The following VPS37A variants were observed in gnomAD, a reference collection of about 807,000 sequenced individuals.
VPS37A encodes vacuolar protein sorting-associated protein 37A.
Under a neutral mutation model 49.8 loss-of-function variants are expected in VPS37A, and 30 were observed. The observed-to-expected ratio is 0.60, with a 90% confidence interval of 0.45 to 0.82. The LOEUF is 0.82. Among genes scored for constraint, VPS37A ranks in the 40% least tolerant of loss-of-function variants. The pLI is 0.00. For missense variants in VPS37A, 593 were observed against 464.4 expected (o/e 1.28, Z -2.55); for synonymous variants, 195 against 160.6 (o/e 1.21, Z -1.62).
chr8:17,273,700 ACCTT>A (rs2150388813), intron 4 of VPS37A, among the ~76,000 whole-genome samples: 1 of 152,004 alleles, frequency 6.6e-6, no homozygotes, highest in Admixed American at 6.6e-5. Context: ...ATATTTCTGT[ACCTT>A]CCTTTTTCAG....
chr8:17,332,950 T>C, the VPS37A span, among the ~76,000 whole-genome samples: 1 of 152,186 alleles, frequency 6.6e-6, no homozygotes, highest in Non-Finnish European at 1.5e-5. Context: ...AGTACTACTT[T>C]GGATGCCCCT....
At chr8:17,247,410 TG>T in intron 1 of VPS37A, 41 bp downstream of exon 1, 5 of 58,506 alleles carry the variant, frequency 8.5e-5, no homozygotes, top group Non-Finnish European at 1.6e-4. Context: ...AAAAGTAGGG[TG>T]GGAGGGCGGG....
At chr8:17,300,998 C>G (rs762808758), downstream of VPS37A, among the ~76,000 whole-genome samples, 3 of 152,094 alleles carry the variant, frequency 2.0e-5, no homozygotes, top group Non-Finnish European at 2.9e-5. Flanking sequence ...ATGGATATAC[C>G]AGATTTTGTT....
chr8:17,329,325 G>C, the VPS37A span, among the ~76,000 whole-genome samples: 1 of 152,166 alleles, frequency 6.6e-6, no homozygotes, highest in Non-Finnish European at 1.5e-5. Context: ...CATTGGTCAA[G>C]ACCACGTACA....
At chr8:17,252,768 A>G (rs1812093041) in intron 1 of VPS37A, among the ~76,000 whole-genome samples, 1 of 152,120 alleles carries the variant, frequency 6.6e-6, no homozygotes, top group African/African-American at 2.4e-5. Flanking sequence ...TAGTTATTTG[A>G]TAGGAAAACT....
intron 1 of VPS37A, among the ~76,000 whole-genome samples, chr8:17,263,477 T>G (rs1408702533): frequency 6.6e-6 from 1 of 152,168 alleles, no homozygotes; most frequent in Non-Finnish European, 1.5e-5. Context: ...ATTAATATTA[T>G]AAGTATCACC....
chr8:17,312,286 C>T, the VPS37A span, among the ~76,000 whole-genome samples: 1 of 152,090 alleles, frequency 6.6e-6, no homozygotes, highest in East Asian at 1.9e-4. Context: ...TATTAATACT[C>T]TGTCTCAGCT....
At chr8:17,302,077 C>A, downstream of VPS37A, 1 of 1,581,174 alleles carries the variant, frequency 6.3e-7, no homozygotes, top group Non-Finnish European at 8.7e-7. Flanking sequence ...TGCACTGAAT[C>A]TTAAGAGGCT....
intron 9 of VPS37A, among the ~76,000 whole-genome samples, chr8:17,281,531 A>G (rs1352101982): frequency 6.6e-6 from 1 of 152,040 alleles, no homozygotes; most frequent in Admixed American, 6.6e-5. Flanking sequence ...AGAAACCAGC[A>G]GTAAACCTCA....
In VPS37A at chr8:17,295,098, T is replaced by C. The variant is rs1280945838; in HGVS notation, c.*112T>C. ...TCATCAGTGGCTAAATTCACAGATATCCTATATAGATTGTATACAGAACTG... is the reference window on the plus strand; with the variant it reads ...TCATCAGTGGCTAAATTCACAGATACCCTATATAGATTGTATACAGAACTG... On this transcript the variant is annotated 3_prime_UTR_variant, in exon 12 of 12. Coordinates refer to ENST00000324849, the MANE Select transcript of VPS37A (RefSeq NM_152415.3). 1 of 152,644 alleles carries C rather than the reference T, an allele frequency of 6.6e-6. No homozygotes were observed. The highest frequency in any genetic ancestry group is 6.5e-5 in the Admixed American group (1 of 15,272). 9.5% of individuals were successfully genotyped at this position (152,644 alleles called of 1,614,324 possible).
At chr8:17,260,179 T>C (rs1451939925) in intron 1 of VPS37A, among the ~76,000 whole-genome samples, 1 of 152,154 alleles carries the variant, frequency 6.6e-6, no homozygotes, top group Non-Finnish European at 1.5e-5. Flanking sequence ...CTTTCTTTGG[T>C]AGTATGTTTT....
chr8:17,255,117 A>G (rs77650966), intron 1 of VPS37A, among the ~76,000 whole-genome samples: 9,399 of 152,244 alleles, frequency 0.062, 335 homozygotes, highest in Middle Eastern at 0.11. Context: ...TGCTGGATAT[A>G]TGGTTGGTGT....
At chr8:17,275,386 T>A (rs1317059326) in intron 5 of VPS37A, among the ~76,000 whole-genome samples, 2 of 152,206 alleles carry the variant, frequency 1.3e-5, no homozygotes, top group Non-Finnish European at 2.9e-5. Context: ...TCATTATTAA[T>A]TTGCCAGAAT....
At chr8:17,313,467 T>G in the VPS37A span, 5 of 1,034,860 alleles carry the variant, frequency 4.8e-6, no homozygotes, top group African/African-American at 7.9e-5. Flanking sequence ...ATGATCATGT[T>G]TTATAGGTAG....
At chr8:17,285,027 A>T (rs914157198) in intron 10 of VPS37A, among the ~76,000 whole-genome samples, 5 of 152,082 alleles carry the variant, frequency 3.3e-5, no homozygotes, top group African/African-American at 1.2e-4. Flanking sequence ...GAAATTGCTA[A>T]TAAACTTTGT....
chr8:17,314,837 G>A, the VPS37A span, among the ~76,000 whole-genome samples: 1 of 152,186 alleles, frequency 6.6e-6, no homozygotes, highest in Non-Finnish European at 1.5e-5. Context: ...CTTTGAATTC[G>A]CTCTGGTTCA....
downstream of VPS37A, among the ~76,000 whole-genome samples, chr8:17,303,901 A>G (rs117691218): frequency 2.8e-4 from 43 of 152,326 alleles, no homozygotes; most frequent in East Asian, 2.9e-3. Flanking sequence ...CCACAAGGGA[A>G]GTACTTCCAG....
the VPS37A span, chr8:17,331,195 C>G: frequency 6.2e-7 from 1 of 1,612,914 alleles, no homozygotes; most frequent in Non-Finnish European, 8.5e-7. Flanking sequence ...TGGATGTTCT[C>G]TATCCCGATA....
Position 17,268,327 on chromosome 8 carries a change from A to T in VPS37A, c.270A>T (p.Leu90Phe), listed in dbSNP as rs745309103. The change falls in exon 3 of 12, where the codon TTA (leucine) becomes TTT (phenylalanine). Residue 90 changes from leucine to phenylalanine, a missense_variant. Transcript: ENST00000324849. ...TTTATCCACCAATACGACATCACTT[A>T]ATGGATAAACAAGGAGTGTATGTTA... is the stretch of plus-strand genomic sequence containing the variant. ...ISVYPPIRHH[L>F]MDKQGVYVTS... 6.2e-7 allele frequency: 1 copy of T among 1,613,512 alleles called. No individual in the cohort carries two copies. Among genetic ancestry groups the T allele is most frequent in the Non-Finnish European group, 8.5e-7 (1 of 1,179,774 alleles).
Sources: allele counts gnomAD v4.1 joint callset (sites outside exome capture counted in the v4.1 genomes callset), GRCh38; gene constraint gnomAD v4.1.1; transcripts MANE v1.5; gene names NCBI Gene and HGNC (gene_info 2026-07-23, HGNC 2026-07-21).